SLC22A3: variants seen among roughly 807,000 people sequenced by gnomAD.
SLC22A3 encodes the protein EMT organic cation transporter 3.
Under a neutral mutation model 59.1 loss-of-function variants are expected in SLC22A3, and 51 were observed. That is an observed-to-expected ratio of 0.86 (90% confidence interval 0.69 to 1.09). The LOEUF is 1.09. Among genes scored for constraint, SLC22A3 ranks in the 50% least tolerant of loss-of-function variants. The probability of loss-of-function intolerance (pLI) is 0.00; values close to 1 mark genes in which losing one functional copy is unlikely to be tolerated. For synonymous variants in SLC22A3, 325 were observed against 292.0 expected (o/e 1.11, Z -1.15); for missense variants, 711 against 726.3 (o/e 0.98, Z 0.24).
intron 1 of SLC22A3, among the ~76,000 whole-genome samples, chr6:160,376,524 A>C (rs1489125668): frequency 7.5e-6 from 1 of 133,574 alleles, no homozygotes; most frequent in Non-Finnish European, 1.6e-5. Flanking sequence ...ACTAAACTAA[A>C]ATTTTTTTTT....
intron 9 of SLC22A3, among the ~76,000 whole-genome samples, chr6:160,447,291 C>T (rs1382049456): frequency 2.6e-5 from 4 of 152,170 alleles, no homozygotes; most frequent in Non-Finnish European, 5.9e-5. Flanking sequence ...CCGGAGTAGA[C>T]ACCAGGACAA....
At position 160,381,688 on chromosome 6, in the gene SLC22A3, C is replaced by A. The variant is rs949147189; in HGVS notation, c.430-16291C>A. Among the ~76,000 whole-genome samples the A allele has an allele frequency of 9.9e-5, 15 of 152,034 alleles. 1 individual carries two copies. The highest frequency in any genetic ancestry group is 5.9e-4 in the Admixed American group (9 of 15,240). Reference sequence around the variant, plus strand: ...CAACTATGAAGAGGAATAATAGAGGCCTTTTATTAGCAAAGAGATTATTAT... The same window carrying A: ...CAACTATGAAGAGGAATAATAGAGGACTTTTATTAGCAAAGAGATTATTAT... On this transcript the variant is annotated intron_variant, in intron 1 of 10. Coordinates refer to ENST00000275300, the MANE Select transcript of SLC22A3 (RefSeq NM_021977.4).
chr6:160,443,005 A>G, intron 8 of SLC22A3, 136 bp downstream of exon 8: 1 of 726,678 alleles, frequency 1.4e-6, no homozygotes. Context: ...GCTAGTAAAG[A>G]AGATATGCTT....
At chr6:160,420,168 C>T (rs1012937411) in intron 5 of SLC22A3, among the ~76,000 whole-genome samples, 1 of 152,108 alleles carries the variant, frequency 6.6e-6, no homozygotes, top group African/African-American at 2.4e-5. Flanking sequence ...CATTCAACAC[C>T]GAAAGATATT....
chr6:160,378,168 C>A (rs952991229), intron 1 of SLC22A3, among the ~76,000 whole-genome samples: 6 of 151,978 alleles, frequency 3.9e-5, no homozygotes, highest in African/African-American at 1.5e-4. Flanking sequence ...ATGTTGAGCT[C>A]AAAAATATGG....
At chr6:160,392,405 G>A (rs1195958990) in intron 1 of SLC22A3, among the ~76,000 whole-genome samples, 2 of 152,140 alleles carry the variant, frequency 1.3e-5, no homozygotes, top group African/African-American at 2.4e-5. Context: ...ATTCCATTCT[G>A]TTTAGATCTC....
At chr6:160,362,913 C>T (rs995358463) in intron 1 of SLC22A3, among the ~76,000 whole-genome samples, 3 of 152,112 alleles carry the variant, frequency 2.0e-5, no homozygotes. Flanking sequence ...TGCACGAGAA[C>T]GTCCCATCCA....
chr6:160,354,019 G>A (rs1288042194), intron 1 of SLC22A3, among the ~76,000 whole-genome samples: 1 of 152,104 alleles, frequency 6.6e-6, no homozygotes, highest in African/African-American at 2.4e-5. Context: ...TAAAATCCTG[G>A]AATTAACTGG....
intron 1 of SLC22A3, among the ~76,000 whole-genome samples, chr6:160,385,896 T>G (rs1785988335): frequency 6.6e-6 from 1 of 152,222 alleles, no homozygotes; most frequent in Non-Finnish European, 1.5e-5. Flanking sequence ...GGTTGGGTCC[T>G]TTCAATTGGA....
chr6:160,386,560 A>C (rs1187707482), intron 1 of SLC22A3, among the ~76,000 whole-genome samples: 1 of 152,218 alleles, frequency 6.6e-6, no homozygotes, highest in African/African-American at 2.4e-5. Flanking sequence ...GGGAAGGGGA[A>C]GTATAGGCCC....
At position 160,415,081 on chromosome 6, in the gene SLC22A3, G is replaced by A. The variant is rs974139069; in HGVS notation, c.975+4235G>A. Among the ~76,000 whole-genome samples the A allele has an allele frequency of 6.6e-6, 1 of 152,144 alleles. No individual in the cohort carries two copies. Among genetic ancestry groups the A allele is most frequent in the African/African-American group, 2.4e-5 (1 of 41,440 alleles). ...GGGAGCTTTGGTTTTTGAAACATAT[G>A]TCTTCAAACCGAACCTACCCATCTT... is the stretch of plus-strand genomic sequence containing the variant. On this transcript the variant is annotated intron_variant, in intron 5 of 10. Coordinates refer to ENST00000275300, the MANE Select transcript of SLC22A3 (RefSeq NM_021977.4). This position sits in a 1 kb window ranked among gnomAD's most constrained non-coding sequence, Gnocchi z 4.1.
chr6:160,443,215 T>C (rs2114925042), intron 8 of SLC22A3, among the ~76,000 whole-genome samples: 1 of 152,370 alleles, frequency 6.6e-6, no homozygotes, highest in African/African-American at 2.4e-5. Context: ...ATGGCCTCTC[T>C]TTGACTGCAT....
intron 7 of SLC22A3, among the ~76,000 whole-genome samples, chr6:160,440,797 G>A (rs1562502848): frequency 6.6e-6 from 1 of 152,010 alleles, no homozygotes; most frequent in Non-Finnish European, 1.5e-5. Flanking sequence ...GTTTGATACT[G>A]GACTCTACTG....
At chr6:160,392,675 C>T (rs549869266) in intron 1 of SLC22A3, among the ~76,000 whole-genome samples, 12 of 152,302 alleles carry the variant, frequency 7.9e-5, no homozygotes, top group Non-Finnish European at 1.3e-4. Flanking sequence ...AAAATTTTTT[C>T]ATGGTGACCC....
In SLC22A3 at chr6:160,437,195, T is replaced by G. The variant is rs776993814; in HGVS notation, c.1272T>G (p.Thr424=). Residue 424 remains threonine (T), a synonymous_variant, in exon 7 of 11, where the codon ACT becomes ACG. Coordinates refer to ENST00000275300, the MANE Select transcript of SLC22A3 (RefSeq NM_021977.4). ...TGGCAGGGGTGGCATGCCTTGTCAC[T>G]GCGTTCTTACCAGAAGGTAATCTTA... ...NIVAGVACLV[T]AFLPEGIAWL... 6.2e-7 allele frequency: 1 copy of G among 1,614,120 alleles called. No individual in the cohort carries two copies. Among genetic ancestry groups the G allele is most frequent in the Admixed American group, 1.7e-5 (1 of 60,022 alleles).
At chr6:160,422,839 T>A (rs1787795474) in intron 5 of SLC22A3, among the ~76,000 whole-genome samples, 1 of 152,158 alleles carries the variant, frequency 6.6e-6, no homozygotes, top group Non-Finnish European at 1.5e-5. Flanking sequence ...TTCTTTTTTT[T>A]TTTAAGTTAT....
chr6:160,351,412 G>T (rs1413625943), intron 1 of SLC22A3, among the ~76,000 whole-genome samples: 1 of 152,182 alleles, frequency 6.6e-6, no homozygotes, highest in East Asian at 1.9e-4. Flanking sequence ...ACCGCGCCCA[G>T]CCTCTTTTTA....
intron 5 of SLC22A3, among the ~76,000 whole-genome samples, chr6:160,430,119 A>C (rs1788097698): frequency 6.6e-6 from 1 of 152,058 alleles, no homozygotes; most frequent in Non-Finnish European, 1.5e-5. Context: ...GTGTATATGT[A>C]CACATATCTA....
intron 5 of SLC22A3, chr6:160,425,898 G>T (rs977437266): frequency 1.0e-6 from 1 of 985,270 alleles, no homozygotes; most frequent in African/African-American, 1.7e-5. Context: ...AACATGCTTC[G>T]CTGTCAACAA....
Sources: allele counts gnomAD v4.1 joint callset (sites outside exome capture counted in the v4.1 genomes callset), GRCh38; gene constraint gnomAD v4.1.1; non-coding constraint Gnocchi (gnomAD v3.1); transcripts MANE v1.5; gene names NCBI Gene and HGNC (gene_info 2026-07-23, HGNC 2026-07-21).